The following UPRT variants were observed in gnomAD, a reference collection of about 807,000 sequenced individuals.
The protein encoded by UPRT is RP11-311P8.3.
Under a neutral mutation model 22.6 loss-of-function variants are expected in UPRT, and 5 were observed. That is an observed-to-expected ratio of 0.22 (90% CI 0.12 to 0.47). The LOEUF (loss-of-function observed/expected upper bound fraction) is 0.47, where lower values mean the gene tolerates loss of function less well. UPRT is among the 20% of genes least tolerant of loss of function. The probability of loss-of-function intolerance (pLI) is 0.99; values close to 1 mark genes in which losing one functional copy is unlikely to be tolerated. For synonymous variants in UPRT, 77 were observed against 87.7 expected, an observed-to-expected ratio of 0.88 and a Z score of 0.68; for missense variants, 181 against 239.9, an observed-to-expected ratio of 0.75 and a Z score of 1.62.
upstream of UPRT, among the ~76,000 whole-genome samples, chrX:75,271,585 C>A (rs1164944452): frequency 8.9e-6 from 1 of 111,847 alleles, no homozygotes; most frequent in Non-Finnish European, 1.9e-5. Context: ...ATTGGCTTAG[C>A]CAAAGATTTC....
At position 75,251,786 on chromosome X, in the gene UPRT, G is replaced by A. The variant is rs936382441; in HGVS notation, c.-446-39238G>A. 2.7e-5 allele frequency among the ~76,000 whole-genome samples: 3 copies of A among 111,391 alleles called. No homozygotes were observed. In the Admixed American group the frequency reaches 2.9e-4, roughly 11 times the overall value. The stretch of plus-strand genomic sequence containing the variant: ...CTAAGCCAAAAGAACCAAGCTGGAG[G>A]CATCACACTACCTGACTTCAAACTA... On this transcript the variant is annotated intron_variant, in intron 4 of 13. Coordinates refer to the UPRT transcript ENST00000652605.
At chrX:75,245,891 AC>A (rs2082503884) in intron 4 of UPRT, among the ~76,000 whole-genome samples, 1 of 111,577 alleles carries the variant, frequency 9.0e-6, no homozygotes, top group Non-Finnish European at 1.9e-5. Flanking sequence ...AACCCATGTG[AC>A]ACGGAAATTA....
At chrX:75,262,516 G>A (rs368069673) in intron 4 of UPRT, among the ~76,000 whole-genome samples, 10 of 110,940 alleles carry the variant, frequency 9.0e-5, no homozygotes, top group East Asian at 5.7e-4. Flanking sequence ...AAGACCCATC[G>A]GTGTGCTGTA....
At chrX:75,286,488 T>C (rs2082681466) in intron 1 of UPRT, among the ~76,000 whole-genome samples, 1 of 111,859 alleles carries the variant, frequency 8.9e-6, no homozygotes, top group African/African-American at 3.3e-5. Flanking sequence ...GCATTTTATT[T>C]AAATTAAGTT....
At chrX:75,214,187 TC>T (rs2082386728) in intron 4 of UPRT, among the ~76,000 whole-genome samples, 1 of 111,760 alleles carries the variant, frequency 8.9e-6, no homozygotes, top group Admixed American at 9.5e-5. Flanking sequence ...AGCTGGAAAA[TC>T]CCAAAATACT....
At chrX:75,299,645 T>C (rs1198607458) in intron 4 of UPRT, 90 bp from the exon 5 acceptor site, 1 of 908,734 alleles carries the variant, frequency 1.1e-6, no homozygotes, top group Non-Finnish European at 1.5e-6. Context: ...CCTTTTTGTA[T>C]TAATAACAGT....
intron 4 of UPRT, among the ~76,000 whole-genome samples, chrX:75,222,650 C>T (rs1401572291): frequency 9.0e-6 from 1 of 111,021 alleles, no homozygotes; most frequent in Non-Finnish European, 1.9e-5. Flanking sequence ...TGCCAGGCTA[C>T]CACTGGCATT....
At chrX:75,219,800 T>C (rs1031138207) in intron 4 of UPRT, among the ~76,000 whole-genome samples, 16 of 111,630 alleles carry the variant, frequency 1.4e-4, no homozygotes, top group African/African-American at 5.2e-4. Context: ...ACTTTCAGCA[T>C]TGGACAGATC....
chrX:75,203,327 G>A (rs1460167030), intron 4 of UPRT, among the ~76,000 whole-genome samples: 1 of 111,212 alleles, frequency 9.0e-6, no homozygotes, highest in Non-Finnish European at 1.9e-5. Flanking sequence ...AAGAGACTCA[G>A]ACTCCCATAC....
At chrX:75,218,967 G>A (rs934428226) in intron 4 of UPRT, among the ~76,000 whole-genome samples, 2 of 110,282 alleles carry the variant, frequency 1.8e-5, no homozygotes, top group African/African-American at 3.3e-5. Flanking sequence ...GCAGCACACC[G>A]GCATGACACA....
chrX:75,252,153 T>G (rs1335956537), intron 4 of UPRT, among the ~76,000 whole-genome samples: 1 of 111,839 alleles, frequency 8.9e-6, no homozygotes, highest in African/African-American at 3.3e-5. Flanking sequence ...TAGGCATGTG[T>G]AAGGACTTCA....
chrX:75,221,016 A>C (rs2082408581), intron 4 of UPRT, among the ~76,000 whole-genome samples: 1 of 111,837 alleles, frequency 8.9e-6, no homozygotes, highest in Non-Finnish European at 1.9e-5. Flanking sequence ...TGTTGATGAA[A>C]TGCCTCAGTT....
intron 4 of UPRT, among the ~76,000 whole-genome samples, chrX:75,181,984 G>T (rs1008082223): frequency 1.8e-5 from 2 of 111,981 alleles, no homozygotes; most frequent in African/African-American, 6.5e-5. Flanking sequence ...CAGTGGGTTA[G>T]TCATAGATGG....
chrX:75,179,656 C>G (rs902118237), intron 4 of UPRT, among the ~76,000 whole-genome samples: 1 of 113,406 alleles, frequency 8.8e-6, no homozygotes, highest in African/African-American at 3.2e-5. Flanking sequence ...GTCCTGAGCC[C>G]TGCCCCACGG....
At chrX:75,177,760 A>G (rs958033738) in intron 4 of UPRT, among the ~76,000 whole-genome samples, 1 of 112,195 alleles carries the variant, frequency 8.9e-6, no homozygotes, top group East Asian at 2.8e-4. Context: ...CCCCACTACA[A>G]CGGGGCTTTG....
chrX:75,279,239 T>A (rs773242911), intron 1 of UPRT, among the ~76,000 whole-genome samples: 109 of 111,671 alleles, frequency 9.8e-4, no homozygotes, highest in Non-Finnish European at 1.8e-3. Flanking sequence ...TAGCATTACA[T>A]CAACACTGGA....
chrX:75,179,370 T>A (rs929215939), intron 4 of UPRT, among the ~76,000 whole-genome samples: 1 of 112,643 alleles, frequency 8.9e-6, no homozygotes, highest in South Asian at 3.7e-4. Flanking sequence ...AGACACAGGG[T>A]GCTGATTGGT....
chrX:75,200,971 A>G (rs1196290687), intron 4 of UPRT, among the ~76,000 whole-genome samples: 3 of 111,617 alleles, frequency 2.7e-5, no homozygotes, highest in African/African-American at 9.8e-5. Context: ...CAAACAAAAA[A>G]CCAATCTGCC....
chrX:75,293,539 T>C (rs1256507968), intron 2 of UPRT, 25 bp downstream of exon 2: 6 of 1,182,114 alleles, frequency 5.1e-6, no homozygotes, highest in Non-Finnish European at 6.8e-6. Flanking sequence ...TTCATTTTCA[T>C]TTCATTGTTT....
Sources: allele counts gnomAD v4.1 joint callset (sites outside exome capture counted in the v4.1 genomes callset), GRCh38; gene constraint gnomAD v4.1.1; transcripts MANE v1.5; gene names NCBI Gene and HGNC (gene_info 2026-07-23, HGNC 2026-07-21).